TIAM1: variants seen among roughly 807,000 people sequenced by gnomAD.
TIAM1 encodes the protein rho guanine nucleotide exchange factor TIAM1.
In TIAM1, 65 loss-of-function variants were observed where a neutral mutation model predicts 163.5. That is an observed-to-expected ratio of 0.40 (90% CI 0.33 to 0.49). The LOEUF (loss-of-function observed/expected upper bound fraction) is 0.49, where lower values mean the gene tolerates loss of function less well. TIAM1 is among the 20% of genes least tolerant of loss of function. TIAM1 has a pLI of 0.77. For synonymous variants in TIAM1, 833 were observed against 810.1 expected, an observed-to-expected ratio of 1.03 and a Z score of -0.48; for missense variants, 1,789 against 2,044.7, an observed-to-expected ratio of 0.87 and a Z score of 2.41.
chr21:31,196,478 A>ATTTTTTTTTTTTTTTTTTTT (rs59358430), intron 12 of TIAM1, among the ~76,000 whole-genome samples: 17 of 133,086 alleles, frequency 1.3e-4, no homozygotes, highest in African/African-American at 5.3e-4. Context: ...CATCTGGCTA[A>ATTTTTTTTTTTTTTTTTTTT]TTTTTTTTTT....
At chr21:31,407,242 C>T (rs954059859) in intron 2 of TIAM1, among the ~76,000 whole-genome samples, 2 of 152,072 alleles carry the variant, frequency 1.3e-5, no homozygotes, top group South Asian at 2.1e-4. Context: ...AAATTGTAAA[C>T]GCTGCTAAAA....
intron 2 of TIAM1, among the ~76,000 whole-genome samples, chr21:31,451,709 ATGTGTGTGCGTGTGTGTGTG>A (rs1352246620): frequency 2.4e-5 from 1 of 41,590 alleles, no homozygotes; most frequent in Non-Finnish European, 7.4e-5. Context: ...GAGTGAAAGC[ATGTGTGTGCGTGTGTGTGTG>A]TGTGTGTGTG....
At chr21:31,428,649 G>T (rs550960055) in intron 2 of TIAM1, among the ~76,000 whole-genome samples, 5 of 152,242 alleles carry the variant, frequency 3.3e-5, no homozygotes, top group Admixed American at 6.5e-5. Flanking sequence ...TTGGGAGGTC[G>T]AGGCAGGCAA....
intron 11 of TIAM1, among the ~76,000 whole-genome samples, chr21:31,207,879 C>T (rs1014122313): frequency 6.6e-6 from 1 of 152,124 alleles, no homozygotes; most frequent in Non-Finnish European, 1.5e-5. Flanking sequence ...TGTGAGCCAC[C>T]GTGCCCGGCA....
At chr21:31,362,591 C>T (rs754105966) in intron 2 of TIAM1, among the ~76,000 whole-genome samples, 8 of 151,768 alleles carry the variant, frequency 5.3e-5, no homozygotes, top group Non-Finnish European at 7.4e-5. Flanking sequence ...CTCAGCCTCC[C>T]GAGCAGCTGT....
intron 13 of TIAM1, among the ~76,000 whole-genome samples, chr21:31,189,217 G>T: frequency 6.6e-6 from 1 of 151,622 alleles, no homozygotes. Context: ...ACCACACTCA[G>T]CTAATTTTTC....
At chr21:31,519,852 CATAGAG>C (rs2047519152) in intron 1 of TIAM1, among the ~76,000 whole-genome samples, 2 of 152,146 alleles carry the variant, frequency 1.3e-5, no homozygotes, top group African/African-American at 4.8e-5. Context: ...CAGTCGAATA[CATAGAG>C]ATAGAAAGTA....
chr21:31,376,339 G>A (rs1374298655), intron 2 of TIAM1, among the ~76,000 whole-genome samples: 4 of 152,074 alleles, frequency 2.6e-5, no homozygotes, highest in African/African-American at 9.7e-5. Flanking sequence ...AACCATAGGT[G>A]CTATCTCAGG....
At chr21:31,206,862 C>T (rs2086474379) in intron 11 of TIAM1, among the ~76,000 whole-genome samples, 1 of 151,692 alleles carries the variant, frequency 6.6e-6, no homozygotes. Flanking sequence ...AGTCAAACTT[C>T]TAGAAGACAT....
At chr21:31,230,916 C>T (rs560970834) in intron 6 of TIAM1, among the ~76,000 whole-genome samples, 85 of 152,306 alleles carry the variant, frequency 5.6e-4, no homozygotes, top group Non-Finnish European at 1.0e-3. Context: ...GATCACCCTG[C>T]CTCGGCCTCC....
rs1338986216 is a variant in TIAM1, at chr21:31,130,222, C to T, written c.4036G>A (p.Ala1346Thr). 7 of 1,613,894 alleles carry T rather than the reference C, an allele frequency of 4.3e-6. No homozygotes were observed. The highest frequency in any genetic ancestry group is 5.9e-6 in the Non-Finnish European group (7 of 1,179,984). Reference protein sequence around the residue: ...PTEALQVRALASADAEANAVC... With the variant: ...PTEALQVRALTSADAEANAVC... ...ACAGGTGAGAGTTTACCTGCACTCG[C>T]CAAAGCTCGAACCTGCAGCGCTTCC... Residue 1346 changes from alanine to threonine, a missense_variant, in exon 25 of 28, where the codon GCG becomes ACG. Ala to Thr is a moderately conservative substitution (Grantham distance 58). Around this residue, in one of 5 missense-constraint regions of TIAM1, gnomAD observed 415 missense variants for 439.2 expected, o/e 0.94. Transcript: ENST00000541036.
intron 16 of TIAM1, among the ~76,000 whole-genome samples, chr21:31,158,811 A>C (rs887656668): frequency 6.6e-6 from 1 of 152,074 alleles, no homozygotes; most frequent in Non-Finnish European, 1.5e-5. Flanking sequence ...AAACTTCTTT[A>C]CATCAAAATC....
chr21:31,313,635 C>T (rs1005880581), intron 2 of TIAM1, among the ~76,000 whole-genome samples: 8 of 152,176 alleles, frequency 5.3e-5, no homozygotes, highest in African/African-American at 1.7e-4. Context: ...CATCCAGTGG[C>T]GCAATCTTGG....
At chr21:31,261,857 C>T (rs775385992) in intron 4 of TIAM1, among the ~76,000 whole-genome samples, 14 of 152,272 alleles carry the variant, frequency 9.2e-5, no homozygotes, top group African/African-American at 1.9e-4. Flanking sequence ...AGGGACGCTC[C>T]GAGAGCCGGG....
At chr21:31,464,380 G>A (rs913965688) in intron 1 of TIAM1, among the ~76,000 whole-genome samples, 81 of 152,230 alleles carry the variant, frequency 5.3e-4, no homozygotes, top group African/African-American at 1.8e-3. Flanking sequence ...TGAGTAATAC[G>A]TTTTTATTCT....
chr21:31,304,194 C>T (rs1268393076), intron 2 of TIAM1, among the ~76,000 whole-genome samples: 1 of 152,114 alleles, frequency 6.6e-6, no homozygotes, highest in Non-Finnish European at 1.5e-5. Flanking sequence ...TTCCAATTTC[C>T]TCAGAAACTC....
chr21:31,424,226 T>C (rs764119352), intron 2 of TIAM1, among the ~76,000 whole-genome samples: 9 of 152,246 alleles, frequency 5.9e-5, no homozygotes, highest in Non-Finnish European at 1.3e-4. Context: ...CTTAAATGCT[T>C]GTGAACATCT....
intron 2 of TIAM1, among the ~76,000 whole-genome samples, chr21:31,352,002 A>T (rs1175668490): frequency 6.6e-6 from 1 of 151,768 alleles, no homozygotes; most frequent in Non-Finnish European, 1.5e-5. Context: ...CAGGAGGCAG[A>T]GGTTGCAGTA....
chr21:31,535,318 T>C (rs534383622), intron 1 of TIAM1, among the ~76,000 whole-genome samples: 128 of 119,354 alleles, frequency 1.1e-3, no homozygotes, highest in Non-Finnish European at 1.8e-3. Context: ...GAGGAGGAGA[T>C]TGCAGTGAGC....
Sources: gnomAD v4.1 joint callset for allele counts (sites outside exome capture counted in the v4.1 genomes callset) on GRCh38, gnomAD v4.1.1 for gene constraint, gnomAD v4.1.1 regional missense constraint, MANE v1.5 for transcripts, NCBI Gene and HGNC (gene_info 2026-07-23, HGNC 2026-07-21) for gene names.